Variants in MYOCD observed in about 807,000 individuals in gnomAD.
MYOCD encodes myocardin.
Under a neutral mutation model 96.1 loss-of-function variants are expected in MYOCD, and 32 were observed. That is an observed-to-expected ratio of 0.33 (90% CI 0.25 to 0.45). The LOEUF is 0.45. Ranked by LOEUF, MYOCD falls within the 20% of genes least tolerant of loss-of-function variation. MYOCD has a pLI of 1.00. For missense variants in MYOCD, 1,133 were observed against 1,200.6 expected, an observed-to-expected ratio of 0.94 and a Z score of 0.83; for synonymous variants, 469 against 469.0, an observed-to-expected ratio of 1.00 and a Z score of 0.00.
intron 7 of MYOCD, among the ~76,000 whole-genome samples, chr17:12,740,092 TGCCCGGCTAA>T (rs2032462915): frequency 6.6e-6 from 1 of 152,102 alleles, no homozygotes; most frequent in East Asian, 1.9e-4. Context: ...CCCGCCACCA[TGCCCGGCTAA>T]TTTTTTGTGT....
rs1567596340 is a variant in MYOCD, at chr17:12,745,906, G to GT, written c.972-10dup. 6.2e-7 allele frequency: 1 copy of GT among 1,613,112 alleles called. No individual in the cohort carries two copies. Among genetic ancestry groups the GT allele is most frequent in the Admixed American group, 1.7e-5 (1 of 59,860 alleles). On this transcript the variant is annotated splice_polypyrimidine_tract_variant and intron_variant, in intron 8 of 13. Transcript: ENST00000425538. ...TTGATTGTACTTGAAATGCCTCTTT[G>GT]TTTGTTTTTTAGGGAACCAAATGAA...
chr17:12,723,775 G>A (rs1352166559), intron 5 of MYOCD, among the ~76,000 whole-genome samples: 1 of 152,156 alleles, frequency 6.6e-6, no homozygotes, highest in Non-Finnish European at 1.5e-5. Flanking sequence ...CAGCTATGCC[G>A]CAATCCGCTC....
In MYOCD at chr17:12,763,718, A is replaced by G. The variant is rs2033257138; in HGVS notation, c.*74A>G. On this transcript the variant is annotated 3_prime_UTR_variant, in exon 14 of 14. Coordinates refer to ENST00000425538, the MANE Select transcript of MYOCD (RefSeq NM_001146312.3). ...GAAAGCACACAGCCATACATACTTT[A>G]CTGTCCAAAAACAGAAGAAGAAGAA... 5.5e-6 allele frequency: 7 copies of G among 1,280,558 alleles called. No individual in the cohort carries two copies. The highest frequency in any genetic ancestry group is 3.2e-6 in the Non-Finnish European group (3 of 926,198). The allele number at this position is 1,280,558 out of a possible 1,614,324, so 79.3% of individuals were successfully genotyped here. A position where few individuals can be genotyped will look rare whatever the true frequency, so the allele number is the denominator to read the frequency against.
At chr17:12,736,498 G>A (rs185386833) in intron 6 of MYOCD, among the ~76,000 whole-genome samples, 162 bp downstream of exon 6, 8 of 152,296 alleles carry the variant, frequency 5.3e-5, no homozygotes, top group Non-Finnish European at 8.8e-5. Flanking sequence ...TCTATTCAGC[G>A]CAGGCCTCTG....
chr17:12,745,201 T>A (rs1476359918), intron 8 of MYOCD, among the ~76,000 whole-genome samples: 1 of 152,038 alleles, frequency 6.6e-6, no homozygotes, highest in Non-Finnish European at 1.5e-5. Context: ...TTAAATATAT[T>A]TATTTATTTA....
intron 7 of MYOCD, among the ~76,000 whole-genome samples, chr17:12,742,580 T>C (rs952641286): frequency 1.3e-5 from 2 of 150,338 alleles, no homozygotes; most frequent in African/African-American, 4.8e-5. Flanking sequence ...AAAATTATTT[T>C]TTTTTTTTGA....
chr17:12,766,059 C>T lies in MYOCD; in HGVS notation c.*2415C>T, dbSNP rs888908888. On this transcript the variant is annotated 3_prime_UTR_variant, in exon 14 of 14. Transcript: ENST00000425538. ...AAGAAAACCTTATTAATACACTCCA[C>T]ACATTTGTTCATTCCTCAGCTGTTG... The T allele has an allele frequency of 2.0e-5, 3 of 152,204 alleles. No individual in the cohort carries two copies. Among genetic ancestry groups the T allele is most frequent in the Admixed American group, 6.5e-5 (1 of 15,274 alleles). 9.4% of individuals were successfully genotyped at this position (152,204 alleles called of 1,614,324 possible).
At chr17:12,708,430 G>A (rs2031372032) in intron 2 of MYOCD, among the ~76,000 whole-genome samples, 1 of 150,872 alleles carries the variant, frequency 6.6e-6, no homozygotes, top group Non-Finnish European at 1.5e-5. Context: ...GTCTCACTGT[G>A]TCGCCCAGGC....
chr17:12,666,132 G>A lies in MYOCD; in HGVS notation c.-57G>A. 7.3e-7 allele frequency: 1 copy of A among 1,368,640 alleles called. No homozygotes were observed. Among genetic ancestry groups the A allele is most frequent in the Non-Finnish European group, 1.0e-6 (1 of 959,120 alleles). 84.8% of individuals were successfully genotyped at this position (1,368,640 alleles called of 1,614,324 possible). A position where few individuals can be genotyped will look rare whatever the true frequency, so the allele number is the denominator to read the frequency against. ...TCAGCTGGGCTCCCGGGAGCCTGTTGCTGGTGGAGAACAGGGGGCGCCTGG... is the reference window on the plus strand; with the variant it reads ...TCAGCTGGGCTCCCGGGAGCCTGTTACTGGTGGAGAACAGGGGGCGCCTGG... On this transcript the variant is annotated 5_prime_UTR_variant, in exon 1 of 14. Coordinates refer to ENST00000425538, the MANE Select transcript of MYOCD (RefSeq NM_001146312.3).
chr17:12,722,814 C>T (rs998201968), intron 4 of MYOCD, 33 bp from the exon 5 acceptor site: 5 of 1,578,186 alleles, frequency 3.2e-6, no homozygotes, highest in Admixed American at 3.7e-5. Context: ...ACATCAAATT[C>T]TAGAACTGAT....
chr17:12,693,572 T>C (rs2030574579), intron 1 of MYOCD, among the ~76,000 whole-genome samples: 1 of 150,728 alleles, frequency 6.6e-6, no homozygotes, highest in Non-Finnish European at 1.5e-5. Context: ...ATTGTGCCAT[T>C]GCATTCCAGC....
intron 7 of MYOCD, among the ~76,000 whole-genome samples, chr17:12,741,716 T>C (rs77236764): frequency 2.4e-4 from 21 of 87,174 alleles, no homozygotes; most frequent in Admixed American, 1.4e-3. Flanking sequence ...TATATATATA[T>C]AAAAAAAAAA....
intron 1 of MYOCD, among the ~76,000 whole-genome samples, chr17:12,704,566 C>A (rs1178267317): frequency 6.6e-6 from 1 of 152,158 alleles, no homozygotes; most frequent in African/African-American, 2.4e-5. Context: ...CATAATACTA[C>A]CACTTATCAA....
At chr17:12,716,088 A>G (rs1178215863) in intron 3 of MYOCD, among the ~76,000 whole-genome samples, 1 of 152,208 alleles carries the variant, frequency 6.6e-6, no homozygotes, top group Non-Finnish European at 1.5e-5. Flanking sequence ...TTCATAACAA[A>G]TCTCTGCAAC....
At chr17:12,682,559 A>G (rs951109060) in intron 1 of MYOCD, among the ~76,000 whole-genome samples, 1 of 152,222 alleles carries the variant, frequency 6.6e-6, no homozygotes, top group Non-Finnish European at 1.5e-5. Context: ...ATAAACAGGT[A>G]CCACTGCCCT....
rs2033412200 is a variant in MYOCD at position 12,768,923 on chromosome 17, A to C, written c.*5279A>C. 6.6e-6 allele frequency: 1 copy of C among 151,726 alleles called. No individual in the cohort carries two copies. Among genetic ancestry groups the C allele is most frequent in the Non-Finnish European group, 1.5e-5 (1 of 67,960 alleles). The allele number at this position is 151,726 out of a possible 1,614,324, so 9.4% of individuals were successfully genotyped here. A position where few individuals can be genotyped will look rare whatever the true frequency, so the allele number is the denominator to read the frequency against. Reference sequence around the variant, plus strand: ...AAAAAAAAAAAATGCATATATTTTTAAATAAAATGTTTATTTTAAAAAGAA... The same window carrying C: ...AAAAAAAAAAAATGCATATATTTTTCAATAAAATGTTTATTTTAAAAAGAA... On this transcript the variant is annotated 3_prime_UTR_variant, in exon 14 of 14. Transcript: ENST00000425538.
chr17:12,719,167 T>A (rs1449164898), intron 4 of MYOCD, among the ~76,000 whole-genome samples: 2 of 66,058 alleles, frequency 3.0e-5, no homozygotes, highest in East Asian at 4.9e-4. Flanking sequence ...AGAGGGAGAC[T>A]CTGTCTCAAA....
At position 12,666,167 on chromosome 17, in the gene MYOCD, C is replaced by G; in HGVS notation, c.-22C>G. The G allele has an allele frequency of 6.2e-7, 1 of 1,610,100 alleles. No individual in the cohort carries two copies. The highest frequency in any genetic ancestry group is 8.5e-7 in the Non-Finnish European group (1 of 1,176,894). Reference sequence around the variant, plus strand: ...AACAGGGGGCGCCTGGCCAAGGGACCAGCGGCTTGCTGAGACTCAACATGA... The same window carrying G: ...AACAGGGGGCGCCTGGCCAAGGGACGAGCGGCTTGCTGAGACTCAACATGA... On this transcript the variant is annotated 5_prime_UTR_variant, in exon 1 of 14. Transcript: ENST00000425538.
chr17:12,695,796 T>G lies in MYOCD; in HGVS notation c.56-9332T>G, dbSNP rs557498273. 9.8e-5 allele frequency among the ~76,000 whole-genome samples: 15 copies of G among 152,306 alleles called. No homozygotes were observed. The East Asian group carries it at 2.9e-3, about 29-fold the overall frequency. The stretch of plus-strand genomic sequence containing the variant: ...ACTCACACTGTTGTATAATCATCAC[T>G]AAGATTTTGCAAAGCTGAAACTCTG... On this transcript the variant is annotated intron_variant, in intron 1 of 13. Transcript: ENST00000425538.
Sources: allele counts gnomAD v4.1 joint callset (sites outside exome capture counted in the v4.1 genomes callset), GRCh38; gene constraint gnomAD v4.1.1; transcripts MANE v1.5; gene names NCBI Gene and HGNC (gene_info 2026-07-23, HGNC 2026-07-21).